Variants in PPP1R21 observed in about 807,000 individuals in gnomAD.
PPP1R21 encodes KLRAQ motif containing 1.
Under a neutral mutation model 112.8 loss-of-function variants are expected in PPP1R21, and 85 were observed. The ratio of observed to expected loss-of-function variants is 0.75; its 90% CI spans 0.63 to 0.90. The LOEUF (loss-of-function observed/expected upper bound fraction) is 0.90. Ranked by LOEUF, PPP1R21 falls within the 40% of genes least tolerant of loss-of-function variation. PPP1R21 has a pLI of 0.00. For missense variants in PPP1R21, 1,199 were observed against 901.5 expected (o/e 1.33, Z -4.23); for synonymous variants, 381 against 322.3 (o/e 1.18, Z -1.95).
intron 17 of PPP1R21, among the ~76,000 whole-genome samples, chr2:48,501,587 C>T (rs1457845146): frequency 6.6e-6 from 1 of 152,138 alleles, no homozygotes; most frequent in African/African-American, 2.4e-5. Flanking sequence ...CATCCCAAGC[C>T]CTGCCCTCTT....
intron 1 of PPP1R21, among the ~76,000 whole-genome samples, chr2:48,446,195 C>G (rs1473420180): frequency 6.6e-6 from 1 of 152,210 alleles, no homozygotes; most frequent in Non-Finnish European, 1.5e-5. Flanking sequence ...ATGAATGATT[C>G]ATCTCACTTT....
intron 3 of PPP1R21, 101 bp from the exon 4 acceptor site, chr2:48,458,025 A>G (rs756213001): frequency 3.8e-6 from 3 of 790,454 alleles, no homozygotes; most frequent in African/African-American, 3.4e-5. Context: ...TGGTGAACAC[A>G]TAGAAGAGAC....
At chr2:48,494,960 T>C (rs1167785540) in intron 15 of PPP1R21, among the ~76,000 whole-genome samples, 1 of 152,112 alleles carries the variant, frequency 6.6e-6, no homozygotes, top group East Asian at 1.9e-4. Flanking sequence ...ATCACCTCGG[T>C]GTCCCAAAGT....
At chr2:48,443,350 G>C (rs1206451855) in intron 1 of PPP1R21, among the ~76,000 whole-genome samples, 2 of 152,214 alleles carry the variant, frequency 1.3e-5, no homozygotes, top group Non-Finnish European at 2.9e-5. Context: ...TTTAGGGTTG[G>C]AAGGCACACT....
chr2:48,511,082 A>G (rs1558533298), intron 20 of PPP1R21, among the ~76,000 whole-genome samples: 2 of 152,150 alleles, frequency 1.3e-5, no homozygotes, highest in Non-Finnish European at 2.9e-5. Flanking sequence ...TGGGGGGGAC[A>G]TGGTATTTTG....
At chr2:48,473,156 G>T (rs1002986476) in intron 11 of PPP1R21, among the ~76,000 whole-genome samples, 8 of 151,658 alleles carry the variant, frequency 5.3e-5, no homozygotes, top group Non-Finnish European at 1.0e-4. Flanking sequence ...ATCCTTACAA[G>T]ATATTTCAGT....
intron 13 of PPP1R21, 53 bp downstream of exon 13, chr2:48,480,069 T>G (rs746014788): frequency 2.6e-6 from 3 of 1,167,230 alleles, no homozygotes; most frequent in Non-Finnish European, 3.9e-6. Context: ...CTTTCTTCGA[T>G]CTGCCTGAAT....
chr2:48,497,115 C>A (rs1279647530), intron 16 of PPP1R21, among the ~76,000 whole-genome samples: 1 of 152,188 alleles, frequency 6.6e-6, no homozygotes, highest in Non-Finnish European at 1.5e-5. Flanking sequence ...AGACTTGTGA[C>A]TGCCGTCTGC....
intron 9 of PPP1R21, among the ~76,000 whole-genome samples, 172 bp from the exon 10 acceptor site, chr2:48,470,915 A>G (rs1161461646): frequency 1.3e-5 from 2 of 152,176 alleles, no homozygotes; most frequent in African/African-American, 2.4e-5. Context: ...TTTAGCTTTT[A>G]AACCAAATTT....
At chr2:48,448,299 A>G (rs1238473310) in intron 1 of PPP1R21, among the ~76,000 whole-genome samples, 1 of 152,228 alleles carries the variant, frequency 6.6e-6, no homozygotes, top group African/African-American at 2.4e-5. Context: ...TGTTATAATC[A>G]GTTATATTAA....
intron 12 of PPP1R21, among the ~76,000 whole-genome samples, chr2:48,476,233 C>T (rs899070909): frequency 6.6e-6 from 1 of 152,202 alleles, no homozygotes; most frequent in Non-Finnish European, 1.5e-5. Context: ...TGACTTCTTT[C>T]ACTTAGCATC....
chr2:48,450,152 C>T lies in PPP1R21; in HGVS notation c.58-856C>T, dbSNP rs565303228. ...CTCTTTCTCCAAAGGCATCTCTCAC[C>T]TCTCCAGCTCACTGCTTTTTTCACT... is the stretch of plus-strand genomic sequence containing the variant. On this transcript the variant is annotated intron_variant, in intron 1 of 21. Coordinates refer to ENST00000294952, the MANE Select transcript of PPP1R21 (RefSeq NM_001135629.3). Among the ~76,000 whole-genome samples, 50 of 152,234 alleles carry T rather than the reference C, an allele frequency of 3.3e-4. 1 individual carries two copies. The highest frequency in any genetic ancestry group is 1.2e-3 in the African/African-American group (50 of 41,526).
intron 9 of PPP1R21, among the ~76,000 whole-genome samples, chr2:48,470,389 G>C (rs1668444936): frequency 6.6e-6 from 1 of 151,948 alleles, no homozygotes; most frequent in Non-Finnish European, 1.5e-5. Context: ...GTAGTGGTGA[G>C]CATCTGTAGT....
chr2:48,500,826 T>G (rs1030851268), intron 17 of PPP1R21, among the ~76,000 whole-genome samples: 3 of 152,100 alleles, frequency 2.0e-5, no homozygotes, highest in Non-Finnish European at 4.4e-5. Flanking sequence ...GGAGAATTGC[T>G]TGAACCTGGG....
At chr2:48,490,052 C>T (rs550520857) in intron 14 of PPP1R21, among the ~76,000 whole-genome samples, 13 of 151,304 alleles carry the variant, frequency 8.6e-5, no homozygotes, top group African/African-American at 2.7e-4. Context: ...TTCAAACAAA[C>T]GAACAAAAAT....
At chr2:48,507,181 C>T in intron 18 of PPP1R21, 88 bp from the exon 19 acceptor site, 1 of 1,414,262 alleles carries the variant, frequency 7.1e-7, no homozygotes, top group Non-Finnish European at 9.2e-7. Flanking sequence ...TGAGAATGTA[C>T]AAAATGTTGT....
At chr2:48,497,186 A>C (rs535621161) in intron 16 of PPP1R21, among the ~76,000 whole-genome samples, 14 of 152,324 alleles carry the variant, frequency 9.2e-5, no homozygotes, top group African/African-American at 3.4e-4. Flanking sequence ...ATCTCCATGT[A>C]GATAGTGGTG....
At chr2:48,448,431 T>C (rs1034095670) in intron 1 of PPP1R21, among the ~76,000 whole-genome samples, 7 of 152,194 alleles carry the variant, frequency 4.6e-5, no homozygotes, top group African/African-American at 7.2e-5. Flanking sequence ...TTTCTTAAAA[T>C]TAATTGCTGT....
intron 16 of PPP1R21, among the ~76,000 whole-genome samples, chr2:48,497,658 T>TC (rs1316744454): frequency 6.6e-6 from 1 of 151,750 alleles, no homozygotes; most frequent in Non-Finnish European, 1.5e-5. Flanking sequence ...TCTATTTTTT[T>TC]TTTTTTTTTT....
Sources: allele counts gnomAD v4.1 joint callset (sites outside exome capture counted in the v4.1 genomes callset), GRCh38; gene constraint gnomAD v4.1.1; transcripts MANE v1.5; gene names NCBI Gene and HGNC (gene_info 2026-07-23, HGNC 2026-07-21).